Variants in SORL1 observed in about 807,000 individuals in gnomAD.
The protein encoded by SORL1 is sortilin related receptor 1.
In SORL1, 127 loss-of-function variants were observed where a neutral mutation model predicts 273.7. The observed-to-expected ratio is 0.46, with a 90% CI of 0.40 to 0.54. SORL1 has a LOEUF of 0.54. Ranked by LOEUF, SORL1 falls within the 20% of genes least tolerant of loss-of-function variation. SORL1 has a pLI of 0.00. For missense variants in SORL1, 2,494 were observed against 2,846.1 expected (o/e 0.88, Z 2.81); for synonymous variants, 1,031 against 1,067.4 (o/e 0.97, Z 0.66).
intron 6 of SORL1, 67 bp from the exon 7 acceptor site, chr11:121,512,936 A>T: frequency 9.2e-7 from 1 of 1,092,050 alleles, no homozygotes; most frequent in Admixed American, 1.8e-5. Context: ...TTCTATTTTT[A>T]TTTTTGCTGC....
chr11:121,455,607 G>A (rs1406785658), intron 1 of SORL1, among the ~76,000 whole-genome samples: 1 of 152,252 alleles, frequency 6.6e-6, no homozygotes, highest in Non-Finnish European at 1.5e-5. Flanking sequence ...TTTCTCTAAG[G>A]TGGGGAGACC....
intron 25 of SORL1, among the ~76,000 whole-genome samples, chr11:121,583,054 A>G (rs1285519228): frequency 1.1e-4 from 16 of 152,210 alleles, no homozygotes; most frequent in Admixed American, 1.0e-3. Flanking sequence ...GCAAACTACC[A>G]GGGTATAGCA....
In SORL1 at chr11:121,470,647, G is replaced by A. The variant is rs373642651; in HGVS notation, c.402+524G>A. ...GAGGCCGGGCAGGTAAAGGACAGGA[G>A]TGAAGCCACCTTCAAGTTTATAACA... On this transcript the variant is annotated intron_variant, in intron 2 of 47. Coordinates refer to ENST00000260197, the MANE Select transcript of SORL1 (RefSeq NM_003105.6). 2.5e-4 allele frequency among the ~76,000 whole-genome samples: 38 copies of A among 152,286 alleles called. 1 individual carries two copies. The highest frequency in any genetic ancestry group is 7.7e-4 in the African/African-American group (32 of 41,568).
At chr11:121,617,939 G>A (rs956724848) in intron 41 of SORL1, among the ~76,000 whole-genome samples, 6 of 152,120 alleles carry the variant, frequency 3.9e-5, no homozygotes, top group African/African-American at 2.4e-5. Flanking sequence ...GGCTTCTGTC[G>A]TGGCAGCACG....
At chr11:121,526,154 A>T (rs1345026408) in intron 11 of SORL1, among the ~76,000 whole-genome samples, 1 of 152,086 alleles carries the variant, frequency 6.6e-6, no homozygotes, top group Non-Finnish European at 1.5e-5. Flanking sequence ...ATGGGTAGAT[A>T]CTCATTTTTT....
chr11:121,633,315 G>A lies in SORL1; in HGVS notation c.*3752G>A, dbSNP rs1174733077. On this transcript the variant is annotated 3_prime_UTR_variant, in exon 48 of 48. Transcript: ENST00000260197. ...CCAAGTAATAACCCAAGAATGGTAT[G>A]AGTTTCATGTGTAATAGCTCAAATG... 6.6e-6 allele frequency: 1 copy of A among 152,158 alleles called. No homozygotes were observed. Among genetic ancestry groups the A allele is most frequent in the East Asian group, 1.9e-4 (1 of 5,190 alleles). 9.4% of individuals were successfully genotyped at this position (152,158 alleles called of 1,614,324 possible). A position where few individuals can be genotyped will look rare whatever the true frequency, so the allele number is the denominator to read the frequency against.
At chr11:121,487,754 C>T (rs1205022956) in intron 3 of SORL1, among the ~76,000 whole-genome samples, 4 of 152,154 alleles carry the variant, frequency 2.6e-5, no homozygotes, top group Admixed American at 1.3e-4. Flanking sequence ...CAGAAAGGCC[C>T]ACTTCATTAC....
chr11:121,555,076 C>G, intron 17 of SORL1, 111 bp from the exon 18 acceptor site: 1 of 1,188,288 alleles, frequency 8.4e-7, no homozygotes, highest in Non-Finnish European at 1.2e-6. Flanking sequence ...TAAAACATCT[C>G]ATCCCTTGCC....
At position 121,630,402 on chromosome 11, in the gene SORL1, T is replaced by C. The variant is rs1163057908; in HGVS notation, c.*839T>C. 6.6e-6 allele frequency: 1 copy of C among 152,228 alleles called. No homozygotes were observed. Among genetic ancestry groups the C allele is most frequent in the Non-Finnish European group, 1.5e-5 (1 of 68,034 alleles). The allele number at this position is 152,228 out of a possible 1,614,324, so 9.4% of individuals were successfully genotyped here. ...TTATTACACACTGGTTTCATTGTCA[T>C]TGCAAAAACTTACCCTGGTTGTGGG... On this transcript the variant is annotated 3_prime_UTR_variant, in exon 48 of 48. Transcript: ENST00000260197.
At chr11:121,564,399 G>A (rs561943656) in intron 21 of SORL1, among the ~76,000 whole-genome samples, 1 of 152,192 alleles carries the variant, frequency 6.6e-6, no homozygotes, top group South Asian at 2.1e-4. Context: ...TTTCTGCCTA[G>A]ATCAGCCTCC....
chr11:121,626,621 G>A (rs879382041), intron 46 of SORL1: 1 of 152,256 alleles, frequency 6.6e-6, no homozygotes, highest in African/African-American at 2.4e-5. Context: ...GTGAAGCAGA[G>A]ACCTGGCCTG....
rs934453143 is a variant in SORL1, at chr11:121,595,900, C to T, written c.4519+128C>T. 1.0e-6 allele frequency: 1 copy of T among 988,864 alleles called. No homozygotes were observed. The highest frequency in any genetic ancestry group is 1.4e-6 in the Non-Finnish European group (1 of 693,164). 61.3% of individuals were successfully genotyped at this position (988,864 alleles called of 1,614,324 possible). A position where few individuals can be genotyped will look rare whatever the true frequency, so the allele number is the denominator to read the frequency against. On this transcript the variant is annotated intron_variant, in intron 32 of 47. Coordinates refer to ENST00000260197, the MANE Select transcript of SORL1 (RefSeq NM_003105.6). This position sits in a 1 kb window ranked among gnomAD's most constrained non-coding sequence, Gnocchi z 5.1. ...GTCTGTGTACTTGCGTAACCATGCT[C>T]TTACTGCATTCTCCACAAGCGCTTT...
intron 29 of SORL1, among the ~76,000 whole-genome samples, chr11:121,589,831 A>G (rs1433073774): frequency 6.6e-6 from 1 of 152,222 alleles, no homozygotes; most frequent in Non-Finnish European, 1.5e-5. Context: ...TCAGAGGAAC[A>G]TGGGTTAGGG....
chr11:121,561,643 C>T (rs148156822), intron 21 of SORL1, among the ~76,000 whole-genome samples: 222 of 139,126 alleles, frequency 1.6e-3, no homozygotes, highest in African/African-American at 5.7e-3. Context: ...TAGCCAAGGT[C>T]GTGCTGCTGC....
intron 2 of SORL1, among the ~76,000 whole-genome samples, chr11:121,471,461 C>T (rs1012469376): frequency 1.3e-5 from 2 of 152,192 alleles, no homozygotes; most frequent in African/African-American, 2.4e-5. Context: ...CTGGACTCCT[C>T]CTTGTGGGTG....
At position 121,559,576 on chromosome 11, in the gene SORL1, A is replaced by C; in HGVS notation, c.2968A>C (p.Ser990Arg). 6.2e-7 allele frequency: 1 copy of C among 1,614,134 alleles called. No individual in the cohort carries two copies. Among genetic ancestry groups the C allele is most frequent in the Non-Finnish European group, 8.5e-7 (1 of 1,179,980 alleles). ...CAGCATATTCCGAGCTTCCAAATAC[A>C]GTGGGTCCCAGATGGAGATTCTGGC... ...QLSIFRASKY[S>R]GSQMEILANQ... Residue 990 changes from serine (S) to arginine (R), a missense_variant, in exon 21 of 48, where the codon AGT (serine) becomes CGT (arginine). Physicochemically the swap from Ser to Arg is moderately radical, Grantham distance 110. This residue lies in a region of SORL1 where 1,609 missense variants were observed against 1,816.4 expected (regional missense o/e 0.89). Coordinates refer to ENST00000260197, the MANE Select transcript of SORL1 (RefSeq NM_003105.6).
chr11:121,605,021 T>G, intron 33 of SORL1, 92 bp from the exon 34 acceptor site: 1 of 1,094,118 alleles, frequency 9.1e-7, no homozygotes. Context: ...TTTGCCCGCC[T>G]CGGCCTCCCA....
intron 38 of SORL1, chr11:121,610,845 C>T: frequency 2.4e-6 from 1 of 424,532 alleles, no homozygotes; most frequent in South Asian, 3.5e-5. Flanking sequence ...ACCTAATTGC[C>T]AGGATAGCCG....
chr11:121,618,892 T>A lies in SORL1; in HGVS notation c.5723T>A (p.Leu1908Gln). The A allele has an allele frequency of 6.2e-7, 1 of 1,614,142 alleles. No homozygotes were observed. The highest frequency in any genetic ancestry group is 1.3e-5 in the African/African-American group (1 of 75,076). ...IVSKDEQYLF[L>Q]VRVVVPYQGP... ...AGTAAGGATGAGCAGTATTTGTTTC[T>A]GGTAAGTTTCCCATACCGTTTCAGT... The change falls in exon 42 of 48, where the codon CTG becomes CAG. Residue 1908 changes from leucine (L) to glutamine (Q), a missense_variant and splice_region_variant. Physicochemically the swap from Leu to Gln is moderately radical, Grantham distance 113. Around this residue, in one of 3 missense-constraint regions of SORL1, gnomAD observed 1,609 missense variants for 1,816.4 expected, o/e 0.89. Coordinates refer to ENST00000260197, the MANE Select transcript of SORL1 (RefSeq NM_003105.6).
Sources: gnomAD v4.1 joint callset for allele counts (sites outside exome capture counted in the v4.1 genomes callset) on GRCh38, gnomAD v4.1.1 for gene constraint, gnomAD v4.1.1 regional missense constraint, Gnocchi (gnomAD v3.1) non-coding constraint, MANE v1.5 for transcripts, NCBI Gene and HGNC (gene_info 2026-07-23, HGNC 2026-07-21) for gene names.